HELZ: variants seen among roughly 807,000 people sequenced by gnomAD.
HELZ encodes the protein ATP-dependent RNA helicase with zinc finger domain.
A neutral mutation model predicts 218.2 loss-of-function variants in HELZ; 23 were observed. The ratio of observed to expected loss-of-function variants is 0.11; its 90% CI spans 0.08 to 0.15. The LOEUF (loss-of-function observed/expected upper bound fraction) is 0.15, where lower values mean the gene tolerates loss of function less well. Among genes scored for constraint, HELZ ranks in the 10% least tolerant of loss-of-function variants. The pLI, the probability that HELZ is intolerant of heterozygous loss-of-function variation, is 1.00. For missense variants in HELZ, 1,813 were observed against 2,353.7 expected (o/e 0.77, Z 4.75); for synonymous variants, 814 against 829.4 (o/e 0.98, Z 0.32).
intron 3 of HELZ, among the ~76,000 whole-genome samples, chr17:67,237,561 A>G (rs2041216443): frequency 6.6e-6 from 1 of 152,202 alleles, no homozygotes. Flanking sequence ...AAATGTAGAT[A>G]GATTTTTTTT....
intron 6 of HELZ, among the ~76,000 whole-genome samples, chr17:67,201,640 A>C (rs1226272599): frequency 6.6e-6 from 1 of 152,220 alleles, no homozygotes; most frequent in Non-Finnish European, 1.5e-5. Flanking sequence ...CTTTAATAAA[A>C]GGAAAATATC....
intron 2 of HELZ, among the ~76,000 whole-genome samples, chr17:67,241,819 G>A (rs964777072): frequency 1.3e-5 from 2 of 152,196 alleles, no homozygotes; most frequent in African/African-American, 4.8e-5. Flanking sequence ...ATTCAGCTCA[G>A]AGACACAGAC....
chr17:67,214,545 C>T (rs891980474), intron 5 of HELZ, among the ~76,000 whole-genome samples: 4 of 151,354 alleles, frequency 2.6e-5, no homozygotes, highest in East Asian at 3.9e-4. Flanking sequence ...GGATTACAGG[C>T]GTGAGCCACC....
In HELZ at chr17:67,129,741, G is replaced by T. The variant is rs560449759; in HGVS notation, c.3183-886C>A. On this transcript the variant is annotated intron_variant, in intron 23 of 32. Coordinates refer to ENST00000358691, the MANE Select transcript of HELZ (RefSeq NM_014877.4). Reference sequence around the variant, plus strand: ...GAGAACAGTACATTCAAAACTTGTTGCATTTACATACCGTTGTTTCTAGGT... The same window carrying T: ...GAGAACAGTACATTCAAAACTTGTTTCATTTACATACCGTTGTTTCTAGGT... Among the ~76,000 whole-genome samples the T allele has an allele frequency of 7.5e-4, 114 of 152,134 alleles. 2 individuals carry two copies. The highest frequency in any genetic ancestry group is 2.6e-3 in the African/African-American group (106 of 41,524).
intron 25 of HELZ, among the ~76,000 whole-genome samples, chr17:67,123,412 G>A (rs1277444829): frequency 1.3e-5 from 2 of 151,956 alleles, no homozygotes; most frequent in Non-Finnish European, 1.5e-5. Flanking sequence ...ATTTTCTGAG[G>A]AACTCAGGAT....
chr17:67,199,532 A>G (rs1352393617), intron 7 of HELZ, among the ~76,000 whole-genome samples: 1 of 152,094 alleles, frequency 6.6e-6, no homozygotes, highest in Non-Finnish European at 1.5e-5. Flanking sequence ...ATTACTTTCA[A>G]AGGCAAAAAC....
intron 2 of HELZ, among the ~76,000 whole-genome samples, chr17:67,240,610 A>C (rs1043049510): frequency 1.3e-5 from 2 of 152,226 alleles, no homozygotes; most frequent in African/African-American, 4.8e-5. Flanking sequence ...ATGTGACAAG[A>C]ACACCTAAAA....
chr17:67,127,245 G>A (rs927963012), intron 24 of HELZ, among the ~76,000 whole-genome samples: 5 of 152,088 alleles, frequency 3.3e-5, no homozygotes, highest in African/African-American at 4.8e-5. Flanking sequence ...GCGGACTCGG[G>A]GGCTAATTTG....
rs191780034 is a variant in HELZ, at chr17:67,166,954, T to C, written c.1765-346A>G. Among the ~76,000 whole-genome samples the C allele has an allele frequency of 5.9e-5, 9 of 152,308 alleles. No individual in the cohort carries two copies. In the East Asian group the frequency reaches 1.3e-3, roughly 23 times the overall value. On this transcript the variant is annotated intron_variant, in intron 14 of 32. Transcript: ENST00000358691. ...TTCTACCATTCCCATGAAAATACTT[T>C]TGCAAAAGATCAGAACATGTGAAGT...
chr17:67,074,866 A>C lies in HELZ; in HGVS notation c.*3386T>G, dbSNP rs893825796. On this transcript the variant is annotated 3_prime_UTR_variant, in exon 33 of 33. Coordinates refer to ENST00000358691, the MANE Select transcript of HELZ (RefSeq NM_014877.4). The stretch of plus-strand genomic sequence containing the variant: ...ATTCTAAAATCTGATGATTTAAAAA[A>C]AAAAAAAATCTACACAAAGCAGTTT... The C allele has an allele frequency of 3.3e-5, 5 of 151,726 alleles. No homozygotes were observed. Among genetic ancestry groups the C allele is most frequent in the African/African-American group, 1.2e-4 (5 of 41,274 alleles). 9.4% of individuals were successfully genotyped at this position (151,726 alleles called of 1,614,324 possible).
rs754788549 is a variant in HELZ, at chr17:67,188,525, G to A, written c.956C>T (p.Thr319Ile). ...IIAISAGDST[T>I]QVSQEVPENC... The stretch of plus-strand genomic sequence containing the variant: ...TTCTGGGACTTCTTGTGATACCTGG[G>A]TAGTACTATCTCCGGCAGATATTGC... The change falls in exon 12 of 33, where the codon ACC becomes ATC. Residue 319 changes from threonine to isoleucine, a missense_variant. Physicochemically the swap from Thr to Ile is moderately conservative, Grantham distance 89. Coordinates refer to ENST00000358691, the MANE Select transcript of HELZ (RefSeq NM_014877.4). The surrounding 1 kb of genome is among the most constrained non-coding windows in gnomAD (Gnocchi z 4.1). 6.2e-7 allele frequency: 1 copy of A among 1,613,684 alleles called. No individual in the cohort carries two copies. Among genetic ancestry groups the A allele is most frequent in the Admixed American group, 1.7e-5 (1 of 60,012 alleles).
chr17:67,078,712 C>T, intron 32 of HELZ, 126 bp from the exon 33 acceptor site: 2 of 532,276 alleles, frequency 3.8e-6, no homozygotes, highest in Non-Finnish European at 6.2e-6. Flanking sequence ...GCCACAAGGA[C>T]AGACACCTTC....
chr17:67,149,689 G>T (rs1649380553), intron 19 of HELZ, among the ~76,000 whole-genome samples, 178 bp downstream of exon 19: 1 of 152,146 alleles, frequency 6.6e-6, no homozygotes, highest in Non-Finnish European at 1.5e-5. Context: ...AAAAAGAGTA[G>T]CAGAATAGTA....
Position 67,109,614 on chromosome 17 carries a change from A to C in HELZ, c.3991T>G (p.Phe1331Val), listed in dbSNP as rs1186451800. The change falls in exon 29 of 33, where the codon TTT becomes GTT. Residue 1331 changes from phenylalanine (F) to valine (V), a missense_variant. Phe to Val is a conservative substitution (Grantham distance 50). Transcript: ENST00000358691. ...RPSVVYPSTKFPRKDNLNPRH... is the reference protein window; with the variant it reads ...RPSVVYPSTKVPRKDNLNPRH... Reference sequence around the variant, plus strand: ...GGGTTGAGATTATCTTTGCGAGGAAATTTGGTACTGGGATAAACAACACTA... The same window carrying C: ...GGGTTGAGATTATCTTTGCGAGGAACTTTGGTACTGGGATAAACAACACTA... 6.2e-7 allele frequency: 1 copy of C among 1,614,116 alleles called. No homozygotes were observed. The highest frequency in any genetic ancestry group is 1.1e-5 in the South Asian group (1 of 91,076).
intron 17 of HELZ, among the ~76,000 whole-genome samples, chr17:67,157,463 A>C (rs1280492500): frequency 6.6e-6 from 1 of 152,250 alleles, no homozygotes; most frequent in Non-Finnish European, 1.5e-5. Context: ...AAAAGATTTT[A>C]AAATATTCTC....
At chr17:67,231,781 G>T (rs574645036) in intron 3 of HELZ, among the ~76,000 whole-genome samples, 3 of 151,626 alleles carry the variant, frequency 2.0e-5, no homozygotes, top group Non-Finnish European at 4.4e-5. Context: ...GGCCAGGTGC[G>T]GTGGCTCACA....
At chr17:67,110,065 GGTTTT>G (rs1320950826) in intron 28 of HELZ, among the ~76,000 whole-genome samples, 3 of 151,826 alleles carry the variant, frequency 2.0e-5, no homozygotes, top group African/African-American at 7.3e-5. Flanking sequence ...GGTGGGTTTG[GGTTTT>G]GTTTTGTTTT....
At chr17:67,163,677 C>G (rs2039055790) in intron 15 of HELZ, among the ~76,000 whole-genome samples, 1 of 152,092 alleles carries the variant, frequency 6.6e-6, no homozygotes, top group Non-Finnish European at 1.5e-5. Flanking sequence ...GCTGGGATTA[C>G]AGGCGTGACC....
intron 5 of HELZ, among the ~76,000 whole-genome samples, chr17:67,213,980 T>A (rs1280163561): frequency 6.6e-6 from 1 of 152,226 alleles, no homozygotes; most frequent in East Asian, 1.9e-4. Context: ...TAAGCACTTA[T>A]GTTTGTCACT....
Sources: gnomAD v4.1 joint callset for allele counts (sites outside exome capture counted in the v4.1 genomes callset) on GRCh38, gnomAD v4.1.1 for gene constraint, Gnocchi (gnomAD v3.1) non-coding constraint, MANE v1.5 for transcripts, NCBI Gene and HGNC (gene_info 2026-07-23, HGNC 2026-07-21) for gene names.